ZNF782: variants seen among roughly 807,000 people sequenced by gnomAD.
ZNF782 encodes zinc finger protein 782.
Under a neutral mutation model 13.0 loss-of-function variants are expected in ZNF782, and 12 were observed. The observed-to-expected ratio is 0.92, with a 90% confidence interval of 0.59 to 1.50. The LOEUF (loss-of-function observed/expected upper bound fraction) is 1.50. Ranked by LOEUF, ZNF782 falls within the 40% of genes most tolerant of loss-of-function variation. The probability of loss-of-function intolerance (pLI) is 0.00; values close to 1 mark genes in which losing one functional copy is unlikely to be tolerated. For synonymous variants in ZNF782, 284 were observed against 283.0 expected (o/e 1.00, Z -0.04); for missense variants, 770 against 822.9 (o/e 0.94, Z 0.79).
At chr9:96,911,850 G>A in the ZNF782 span, among the ~76,000 whole-genome samples, 1 of 151,998 alleles carries the variant, frequency 6.6e-6, no homozygotes, top group African/African-American at 2.4e-5. Flanking sequence ...CACCATTGCA[G>A]TAACTTTTTT....
the ZNF782 span, among the ~76,000 whole-genome samples, chr9:96,882,554 C>T: frequency 9.3e-4 from 142 of 152,020 alleles, no homozygotes; most frequent in African/African-American, 3.3e-3. Flanking sequence ...AAATGTACTC[C>T]CATTTTATTT....
chr9:96,910,070 C>T, the ZNF782 span: 1 of 597,978 alleles, frequency 1.7e-6, no homozygotes, highest in Non-Finnish European at 3.3e-6. Context: ...ACCGGCGTGC[C>T]CCACCATGTC....
At position 96,818,345 on chromosome 9, in the gene ZNF782, T is replaced by C. The variant is rs763288069; in HGVS notation, c.1678A>G (p.Lys560Glu). 1.2e-5 allele frequency: 19 copies of C among 1,614,090 alleles called. No homozygotes were observed. The Admixed American group carries it at 3.2e-4, about 27-fold the overall frequency. ...RGHHRIHTGE[K>E]PYKCNHCGEA... ...CCACAATGATTACATTTATAGGGTT[T>C]TTCCCCTGTGTGAATTCTATGATGT... The change falls in exon 6 of 6, where the codon AAA (lysine) becomes GAA (glutamate). Residue 560 changes from lysine to glutamate, a missense_variant. Physicochemically the swap from Lys to Glu is moderately conservative, Grantham distance 56 (BLOSUM62 1). Coordinates refer to ENST00000481138, the MANE Select transcript of ZNF782 (RefSeq NM_001001662.3).
At chr9:96,870,958 T>G (rs929686776) in intron 1 of ZNF782, among the ~76,000 whole-genome samples, 1 of 152,208 alleles carries the variant, frequency 6.6e-6, no homozygotes, top group Non-Finnish European at 1.5e-5. Flanking sequence ...AGTTAGCATG[T>G]TTGGGGTCAT....
the ZNF782 span, among the ~76,000 whole-genome samples, chr9:96,908,029 G>C: frequency 6.6e-6 from 1 of 151,876 alleles, no homozygotes; most frequent in Non-Finnish European, 1.5e-5. Flanking sequence ...AGAACTACTA[G>C]TATTGGAAAT....
chr9:96,873,907 A>G (rs1046090140), intron 1 of ZNF782, among the ~76,000 whole-genome samples: 1 of 152,218 alleles, frequency 6.6e-6, no homozygotes, highest in Non-Finnish European at 1.5e-5. Flanking sequence ...GGTGGTAACT[A>G]TGGCAGTTTT....
the ZNF782 span, among the ~76,000 whole-genome samples, chr9:96,886,978 A>G: frequency 6.6e-6 from 1 of 151,470 alleles, no homozygotes; most frequent in Non-Finnish European, 1.5e-5. Flanking sequence ...AAATATGCAA[A>G]TAACCCACAG....
rs1024605788 is a variant in ZNF782, at chr9:96,818,930, G to C, written c.1093C>G (p.Pro365Ala). Reference protein sequence around the residue: ...VHQKVHIRAKPYEYNECGKSC... With the variant: ...VHQKVHIRAKAYEYNECGKSC... ...TTCCCACATTCATTATACTCATAGG[G>C]TTTTGCCCTTATGTGAACCTTCTGA... Residue 365 changes from proline (P) to alanine (A), a missense_variant, in exon 6 of 6, where the codon CCC becomes GCC. By Grantham distance (27) the Pro-to-Ala change is conservative (BLOSUM62 -1). Transcript: ENST00000481138. The C allele has an allele frequency of 1.7e-5, 27 of 1,614,178 alleles. No homozygotes were observed. Among genetic ancestry groups the C allele is most frequent in the Non-Finnish European group, 2.3e-5 (27 of 1,180,030 alleles).
the ZNF782 span, chr9:96,902,778 GTTTATTATT>G: frequency 1.3e-4 from 16 of 118,744 alleles, no homozygotes; most frequent in African/African-American, 6.1e-4. Flanking sequence ...AGTTCTATCA[GTTTATTATT>G]ATTATTATTA....
rs1197008569 is a variant in ZNF782 at position 96,819,513 on chromosome 9, TTTG to T, written c.507_509del (p.Asp169_Lys170delinsGlu). ...TGCCATCCTTAATACTGATGAGCCA[TTTG>T]TCACAAACATTACGCTCATGAGCCT... is the stretch of plus-strand genomic sequence containing the variant. On this transcript the variant is annotated inframe_deletion, in exon 6 of 6. Coordinates refer to ENST00000481138, the MANE Select transcript of ZNF782 (RefSeq NM_001001662.3). The T allele has an allele frequency of 7.4e-6, 12 of 1,613,118 alleles. No individual in the cohort carries two copies. The Admixed American group carries it at 1.7e-4, about 22-fold the overall frequency.
exon 1 of ZNF782, chr9:96,875,575 G>C (rs767831061): frequency 6.6e-6 from 3 of 456,554 alleles, no homozygotes. Context: ...GTTTATAAAC[G>C]GGCTCTCCTC....
the ZNF782 span, among the ~76,000 whole-genome samples, chr9:96,925,217 C>G: frequency 6.6e-6 from 1 of 152,096 alleles, no homozygotes; most frequent in African/African-American, 2.4e-5. Context: ...GCGCGCGGGG[C>G]AGGCGTGGAG....
chr9:96,926,309 G>GA, the ZNF782 span, among the ~76,000 whole-genome samples: 2 of 149,244 alleles, frequency 1.3e-5, no homozygotes, highest in African/African-American at 5.0e-5. Flanking sequence ...GTTACTGATT[G>GA]AAAATCATTT....
chr9:96,820,079 T>C (rs1850357855), intron 5 of ZNF782, among the ~76,000 whole-genome samples: 1 of 152,108 alleles, frequency 6.6e-6, no homozygotes, highest in Non-Finnish European at 1.5e-5. Context: ...GAATGGTGTA[T>C]ACGTAAGAGC....
chr9:96,870,787 C>G (rs1851816342), intron 1 of ZNF782, among the ~76,000 whole-genome samples: 1 of 152,198 alleles, frequency 6.6e-6, no homozygotes, highest in Admixed American at 6.5e-5. Context: ...CTCTTAACAA[C>G]TCATAAAGCC....
At chr9:96,863,876 G>C (rs868396400) in intron 1 of ZNF782, among the ~76,000 whole-genome samples, 6 of 152,046 alleles carry the variant, frequency 3.9e-5, no homozygotes, top group Middle Eastern at 3.4e-3. Flanking sequence ...GTCGGGAGGG[G>C]GTTGAAGGAT....
chr9:96,851,372 G>A (rs895479770), intron 3 of ZNF782, among the ~76,000 whole-genome samples: 16 of 152,060 alleles, frequency 1.1e-4, no homozygotes, highest in African/African-American at 3.9e-4. Flanking sequence ...TCATAGGTGA[G>A]TTTCATAAAA....
chr9:96,864,717 C>T (rs1047878969), intron 1 of ZNF782, among the ~76,000 whole-genome samples: 29 of 152,038 alleles, frequency 1.9e-4, no homozygotes, highest in Admixed American at 1.6e-3. Flanking sequence ...TAAGATTACT[C>T]TAGTTTTATA....
intron 4 of ZNF782, among the ~76,000 whole-genome samples, chr9:96,836,628 G>T (rs1355047157): frequency 6.6e-6 from 1 of 152,148 alleles, no homozygotes; most frequent in East Asian, 1.9e-4. Flanking sequence ...AAGGACATGA[G>T]TTTTGGGGAG....
Sources: allele counts gnomAD v4.1 joint callset (sites outside exome capture counted in the v4.1 genomes callset), GRCh38; gene constraint gnomAD v4.1.1; transcripts MANE v1.5; gene names NCBI Gene and HGNC (gene_info 2026-07-23, HGNC 2026-07-21).